MEF2D: variants seen among roughly 807,000 people sequenced by gnomAD.
The protein encoded by MEF2D is myocyte enhancer factor 2D.
MEF2D carries 10 observed loss-of-function variants against 59.3 expected under a neutral mutation model. That is an observed-to-expected ratio of 0.17 (90% CI 0.10 to 0.29). The LOEUF (loss-of-function observed/expected upper bound fraction) is 0.29. MEF2D is among the 10% of genes least tolerant of loss of function. The pLI is 1.00. For synonymous variants in MEF2D, 305 were observed against 295.0 expected (o/e 1.03, Z -0.35); for missense variants, 508 against 699.4 (o/e 0.73, Z 3.09).
intron 1 of MEF2D, among the ~76,000 whole-genome samples, chr1:156,497,893 G>A (rs996356621): frequency 6.6e-6 from 1 of 151,950 alleles, no homozygotes; most frequent in Non-Finnish European, 1.5e-5. Context: ...AGCCAGGGAC[G>A]ACCACAGCAG....
intron 9 of MEF2D, among the ~76,000 whole-genome samples, chr1:156,474,070 C>G (rs1671412004): frequency 6.6e-6 from 1 of 152,184 alleles, no homozygotes; most frequent in Non-Finnish European, 1.5e-5. Flanking sequence ...GATTGGTCAG[C>G]CTGAATGATC....
intron 2 of MEF2D, 82 bp from the exon 3 acceptor site, chr1:156,482,722 T>C (rs1009633176): frequency 1.7e-5 from 22 of 1,320,284 alleles, no homozygotes; most frequent in Admixed American, 1.2e-4. Context: ...TGGCTGGACA[T>C]AGCCCCTGCC....
rs747391776 is a variant in MEF2D, at chr1:156,465,636, CCA to C, written c.*2007_*2008del. Reference sequence around the variant, plus strand: ...GACACACAGAGGCACACCCGTGCAACCACACACACACATAAATACAAAAGTAC... The same window carrying C: ...GACACACAGAGGCACACCCGTGCAACCACACACACATAAATACAAAAGTAC... On this transcript the variant is annotated 3_prime_UTR_variant, in exon 12 of 12. Transcript: ENST00000348159. 2.6e-5 allele frequency: 4 copies of C among 152,332 alleles called. No homozygotes were observed. The highest frequency in any genetic ancestry group is 6.6e-5 in the Admixed American group (1 of 15,232). The allele number at this position is 152,332 out of a possible 1,614,324, so 9.4% of individuals were successfully genotyped here. A position where few individuals can be genotyped will look rare whatever the true frequency, so the allele number is the denominator to read the frequency against.
chr1:156,489,202 G>A (rs534008566), intron 1 of MEF2D, among the ~76,000 whole-genome samples: 28 of 152,324 alleles, frequency 1.8e-4, no homozygotes, highest in Non-Finnish European at 2.1e-4. Context: ...GACTGGAGGG[G>A]AAGGCAGGAG....
chr1:156,472,262 C>G (rs1671277353), intron 9 of MEF2D, among the ~76,000 whole-genome samples: 2 of 152,266 alleles, frequency 1.3e-5, no homozygotes, highest in African/African-American at 2.4e-5. Flanking sequence ...CTGGAAAAGC[C>G]TCATAGACCT....
intron 1 of MEF2D, among the ~76,000 whole-genome samples, chr1:156,484,815 C>T (rs900651072): frequency 1.3e-5 from 2 of 152,166 alleles, no homozygotes; most frequent in African/African-American, 2.4e-5. Context: ...CCAGAAAAGG[C>T]GCATTCTCTC....
chr1:156,476,553 T>C (rs1162155725), intron 7 of MEF2D, 39 bp from the exon 8 acceptor site: 12 of 1,602,984 alleles, frequency 7.5e-6, no homozygotes, highest in Non-Finnish European at 1.0e-5. Flanking sequence ...GTTCAGTCTC[T>C]GGCCGCTGCC....
chr1:156,485,047 A>G (rs1340232733), intron 1 of MEF2D, among the ~76,000 whole-genome samples: 1 of 152,156 alleles, frequency 6.6e-6, no homozygotes, highest in Non-Finnish European at 1.5e-5. Context: ...AGCCTGGACC[A>G]GAGAAGGCCC....
intron 11 of MEF2D, 141 bp downstream of exon 11, chr1:156,467,852 G>T: frequency 1.7e-6 from 2 of 1,164,812 alleles, no homozygotes; most frequent in Non-Finnish European, 2.4e-6. Context: ...AAGGGGTGTT[G>T]GTGCTGCCCT....
At chr1:156,490,887 A>G (rs1672746590) in intron 1 of MEF2D, among the ~76,000 whole-genome samples, 1 of 152,138 alleles carries the variant, frequency 6.6e-6, no homozygotes, top group African/African-American at 2.4e-5. Flanking sequence ...TTCTTCCTGT[A>G]GTCTAGCTCT....
At chr1:156,499,028 T>C (rs905591036) in intron 1 of MEF2D, among the ~76,000 whole-genome samples, 2 of 152,164 alleles carry the variant, frequency 1.3e-5, no homozygotes, top group African/African-American at 4.8e-5. Context: ...GCCTTTTCAA[T>C]GCTCTCCTCA....
At position 156,468,658 on chromosome 1, in the gene MEF2D, G is replaced by C. The variant is rs954176002; in HGVS notation, c.1247+122C>G. 1 of 1,467,560 alleles carries C rather than the reference G, an allele frequency of 6.8e-7. No homozygotes were observed. The highest frequency in any genetic ancestry group is 9.2e-7 in the Non-Finnish European group (1 of 1,084,480). The allele number at this position is 1,467,560 out of a possible 1,614,324, so 90.9% of individuals were successfully genotyped here. A position where few individuals can be genotyped will look rare whatever the true frequency, so the allele number is the denominator to read the frequency against. Reference sequence around the variant, plus strand: ...CCACTGTTGCCTAACAGACTGTGCAGTGCACAGCCTCATAGGATGTCCACT... The same window carrying C: ...CCACTGTTGCCTAACAGACTGTGCACTGCACAGCCTCATAGGATGTCCACT... On this transcript the variant is annotated intron_variant, in intron 10 of 11. Coordinates refer to ENST00000348159, the MANE Select transcript of MEF2D (RefSeq NM_005920.4). The surrounding 1 kb of genome is among the most constrained non-coding windows in gnomAD (Gnocchi z 4.3).
intron 3 of MEF2D, among the ~76,000 whole-genome samples, 172 bp downstream of exon 3, chr1:156,482,265 G>A (rs1329243814): frequency 6.6e-6 from 1 of 152,228 alleles, no homozygotes; most frequent in Admixed American, 6.5e-5. Flanking sequence ...CAGACCCTGG[G>A]TTTGTATGAC....
intron 1 of MEF2D, among the ~76,000 whole-genome samples, chr1:156,485,065 C>T (rs1228704074): frequency 1.3e-5 from 2 of 152,148 alleles, no homozygotes. Flanking sequence ...CCCGCCCTCC[C>T]CTCCAGAGCT....
chr1:156,467,625 G>C lies in MEF2D; in HGVS notation c.*20C>G, dbSNP rs745340293. On this transcript the variant is annotated 3_prime_UTR_variant, in exon 12 of 12. Transcript: ENST00000348159. ...GTCAACTCTTCATCAGGGAGGCTGAGAGGAGGGGAGTGGGAATCGTCACTT... is the reference window on the plus strand; with the variant it reads ...GTCAACTCTTCATCAGGGAGGCTGACAGGAGGGGAGTGGGAATCGTCACTT... The C allele has an allele frequency of 3.0e-6, 4 of 1,321,258 alleles. No homozygotes were observed. The South Asian group carries it at 1.2e-4, about 40-fold the overall frequency. 81.8% of individuals were successfully genotyped at this position (1,321,258 alleles called of 1,614,324 possible).
In MEF2D at chr1:156,465,481, G is replaced by C. The variant is rs1490117581; in HGVS notation, c.*2164C>G. The C allele has an allele frequency of 3.3e-5, 5 of 152,660 alleles. No homozygotes were observed. Among genetic ancestry groups the C allele is most frequent in the African/African-American group, 1.2e-4 (5 of 41,520 alleles). The allele number at this position is 152,660 out of a possible 1,614,324, so 9.5% of individuals were successfully genotyped here. On this transcript the variant is annotated 3_prime_UTR_variant, in exon 12 of 12. Transcript: ENST00000348159. ...AAAGGAGCAGGGAAGACAGGAGTTG[G>C]GGTCCCAGGGCTGTGGAGCTGGAGC...
intron 3 of MEF2D, 37 bp from the exon 4 acceptor site, chr1:156,481,008 C>A: frequency 6.2e-7 from 1 of 1,610,006 alleles, no homozygotes; most frequent in Non-Finnish European, 8.5e-7. Flanking sequence ...GGGTGAGAGT[C>A]CTTCCCGCCC....
intron 1 of MEF2D, among the ~76,000 whole-genome samples, chr1:156,499,101 A>G (rs573796749): frequency 6.6e-6 from 1 of 152,226 alleles, no homozygotes; most frequent in East Asian, 1.9e-4. Flanking sequence ...CCCAAACGCC[A>G]AAACACCCAA....
chr1:156,468,931 G>A lies in MEF2D; in HGVS notation c.1096C>T (p.Gln366Ter). 6.2e-7 allele frequency: 1 copy of A among 1,613,738 alleles called. No homozygotes were observed. Among genetic ancestry groups the A allele is most frequent in the East Asian group, 2.2e-5 (1 of 44,902 alleles). ...LSLGNVTAWQ[Q>*]PQQPQQPQQP... ...TGCGGCTGCTGGGGCTGCTGTGGCT[G>A]TTGCCAGGCAGTGACATTGCCTAGC... The change falls in exon 10 of 12, where the codon CAG (glutamine) becomes TAG (stop). Residue 366 changes from glutamine to a stop codon, truncating the protein, a stop_gained. Transcript: ENST00000348159. LOFTEE classifies it high-confidence loss of function. This position sits in a 1 kb window ranked among gnomAD's most constrained non-coding sequence, Gnocchi z 4.3.
Sources: gnomAD v4.1 joint callset for allele counts (sites outside exome capture counted in the v4.1 genomes callset) on GRCh38, gnomAD v4.1.1 for gene constraint, Gnocchi (gnomAD v3.1) non-coding constraint, MANE v1.5 for transcripts, NCBI Gene and HGNC (gene_info 2026-07-23, HGNC 2026-07-21) for gene names.